The following KCNMA1 variants were observed in gnomAD, a reference collection of about 807,000 sequenced individuals.
The protein encoded by KCNMA1 is Calcium-activated potassium channel subunit alpha-1.
Under a neutral mutation model 140.0 loss-of-function variants are expected in KCNMA1, and 29 were observed. That is an observed-to-expected ratio of 0.21 (90% CI 0.15 to 0.28). The LOEUF is 0.28. Among genes scored for constraint, KCNMA1 ranks in the 10% least tolerant of loss-of-function variants. The probability of loss-of-function intolerance (pLI) is 1.00; values close to 1 mark genes in which losing one functional copy is unlikely to be tolerated. For missense variants in KCNMA1, 880 were observed against 1,602.2 expected (o/e 0.55, Z 7.70); for synonymous variants, 612 against 611.9 (o/e 1.00, Z 0.00).
chr10:76,900,874 A>C (rs2044927559), intron 25 of KCNMA1, among the ~76,000 whole-genome samples: 1 of 138,842 alleles, frequency 7.2e-6, no homozygotes, highest in Admixed American at 7.7e-5. Context: ...GTATCAAGAA[A>C]TTTTAAAATG....
chr10:76,911,359 G>C (rs2050156485), intron 24 of KCNMA1: 1 of 152,142 alleles, frequency 6.6e-6, no homozygotes, highest in African/African-American at 2.4e-5. Flanking sequence ...TCCAAAATTG[G>C]TCACATTTGG....
At chr10:77,368,537 C>T (rs1404300994) in intron 2 of KCNMA1, among the ~76,000 whole-genome samples, 1 of 152,154 alleles carries the variant, frequency 6.6e-6, no homozygotes, top group Non-Finnish European at 1.5e-5. Flanking sequence ...ATAATAGTTT[C>T]TAATTTTGAC....
At chr10:77,461,324 T>C (rs967062287) in intron 1 of KCNMA1, among the ~76,000 whole-genome samples, 6 of 151,952 alleles carry the variant, frequency 3.9e-5, no homozygotes, top group African/African-American at 1.5e-4. Flanking sequence ...GTGGTGACCC[T>C]TGCCCCACCC....
intron 2 of KCNMA1, among the ~76,000 whole-genome samples, chr10:77,272,494 A>G (rs544132545): frequency 2.6e-5 from 4 of 152,292 alleles, no homozygotes; most frequent in African/African-American, 9.6e-5. Flanking sequence ...TTGAATGTAC[A>G]TCCCTCCTGA....
intron 19 of KCNMA1, among the ~76,000 whole-genome samples, chr10:76,990,325 T>G (rs117962228): frequency 6.6e-6 from 1 of 152,186 alleles, no homozygotes; most frequent in Non-Finnish European, 1.5e-5. Context: ...TTCACAGATC[T>G]CACCCTTGTA....
intron 1 of KCNMA1, among the ~76,000 whole-genome samples, chr10:77,423,270 C>T (rs1452108174): frequency 6.6e-6 from 1 of 152,210 alleles, no homozygotes. Flanking sequence ...CTATCTTGGG[C>T]TCCACATGTC....
chr10:76,892,115 A>G (rs1177216224), intron 25 of KCNMA1, among the ~76,000 whole-genome samples: 3 of 152,156 alleles, frequency 2.0e-5, no homozygotes, highest in African/African-American at 7.2e-5. Flanking sequence ...CCCAAGCAGC[A>G]TTGTCTCTGA....
At chr10:77,384,742 T>C (rs1245673777) in intron 2 of KCNMA1, among the ~76,000 whole-genome samples, 2 of 152,220 alleles carry the variant, frequency 1.3e-5, no homozygotes, top group African/African-American at 4.8e-5. Flanking sequence ...TTCAGGGATT[T>C]GCTACCTGCC....
intron 1 of KCNMA1, among the ~76,000 whole-genome samples, chr10:77,495,806 A>C (rs1259161737): frequency 1.3e-5 from 2 of 152,176 alleles, no homozygotes; most frequent in African/African-American, 4.8e-5. Context: ...AGCAGAGGAC[A>C]GGGAAGAGAC....
intron 3 of KCNMA1, among the ~76,000 whole-genome samples, chr10:77,203,129 T>C (rs949911183): frequency 2.0e-5 from 3 of 152,174 alleles, no homozygotes; most frequent in Non-Finnish European, 4.4e-5. Flanking sequence ...GTTTAAAGGA[T>C]AAACAACTAG....
rs1316733279 is a variant in KCNMA1, at chr10:77,376,963, A to ACATACATACATG, written c.540+26898_540+26899insCATGTATGTATG. Among the ~76,000 whole-genome samples, 6 of 152,022 alleles carry ACATACATACATG rather than the reference A, an allele frequency of 3.9e-5. No homozygotes were observed. In the East Asian group the frequency reaches 5.8e-4, roughly 15 times the overall value. Reference sequence around the variant, plus strand: ...AAAATAAATAAATACATACATACATACATACATACATACATACATACATAA... The same window carrying ACATACATACATG: ...AAAATAAATAAATACATACATACATACATACATACATGCATACATACATACATACATACATAA... On this transcript the variant is annotated intron_variant, in intron 2 of 27. Transcript: ENST00000286628.
intron 2 of KCNMA1, among the ~76,000 whole-genome samples, chr10:77,349,204 T>C (rs943083125): frequency 3.3e-5 from 5 of 152,074 alleles, no homozygotes; most frequent in Admixed American, 6.5e-5. Context: ...CTCTCATGAA[T>C]GAGATTCATG....
At chr10:77,241,520 C>T (rs1286861094) in intron 3 of KCNMA1, among the ~76,000 whole-genome samples, 2 of 151,924 alleles carry the variant, frequency 1.3e-5, no homozygotes, top group African/African-American at 4.8e-5. Context: ...TGATGGTGCC[C>T]AGCTGTAGTC....
intron 1 of KCNMA1, among the ~76,000 whole-genome samples, chr10:77,512,812 T>A (rs980922622): frequency 6.6e-6 from 1 of 152,140 alleles, no homozygotes; most frequent in Non-Finnish European, 1.5e-5. Flanking sequence ...AACACCATGA[T>A]CTTGGACTTC....
At chr10:77,129,053 C>CAACG (rs1437847590) in intron 5 of KCNMA1, among the ~76,000 whole-genome samples, 2 of 152,218 alleles carry the variant, frequency 1.3e-5, no homozygotes, top group East Asian at 3.8e-4. Flanking sequence ...CCACCAGATT[C>CAACG]AACGGGTCTG....
chr10:77,192,427 G>A (rs990217634), intron 3 of KCNMA1, among the ~76,000 whole-genome samples: 5 of 152,052 alleles, frequency 3.3e-5, no homozygotes, highest in African/African-American at 9.7e-5. Flanking sequence ...TATAGCAAAA[G>A]CAAAATACGG....
At chr10:77,239,432 C>T (rs978475818) in intron 3 of KCNMA1, among the ~76,000 whole-genome samples, 1 of 152,176 alleles carries the variant, frequency 6.6e-6, no homozygotes, top group African/African-American at 2.4e-5. Context: ...TACAAGGTGG[C>T]AGGTCTCTGC....
chr10:77,207,383 T>C (rs2044497859), intron 3 of KCNMA1, among the ~76,000 whole-genome samples: 1 of 152,212 alleles, frequency 6.6e-6, no homozygotes, highest in African/African-American at 2.4e-5. Flanking sequence ...TTCCTATTAC[T>C]AACCATGTGG....
chr10:76,920,020 G>GTGTGTGTGTGTGTGTATGTA (rs1177257916), intron 23 of KCNMA1, among the ~76,000 whole-genome samples: 1 of 34,408 alleles, frequency 2.9e-5, no homozygotes, highest in African/African-American at 1.1e-4. Flanking sequence ...GTGTGTGTGT[G>GTGTGTGTGTGTGTGTATGTA]TATATATATA....
Sources: gnomAD v4.1 joint callset for allele counts (sites outside exome capture counted in the v4.1 genomes callset) on GRCh38, gnomAD v4.1.1 for gene constraint, MANE v1.5 for transcripts, NCBI Gene and HGNC (gene_info 2026-07-23, HGNC 2026-07-21) for gene names.